The following AFTPH variants were observed in gnomAD, a reference collection of about 807,000 sequenced individuals.
The protein encoded by AFTPH is aftiphilin.
A neutral mutation model predicts 72.5 loss-of-function variants in AFTPH; 7 were observed. That is an observed-to-expected ratio of 0.10 (90% CI 0.05 to 0.18). The LOEUF (loss-of-function observed/expected upper bound fraction) is 0.18. Ranked by LOEUF, AFTPH falls within the 10% of genes least tolerant of loss-of-function variation. The probability of loss-of-function intolerance (pLI) is 1.00; values close to 1 mark genes in which losing one functional copy is unlikely to be tolerated. For synonymous variants in AFTPH, 337 were observed against 370.1 expected (o/e 0.91, Z 1.03); for missense variants, 979 against 1,060.5 (o/e 0.92, Z 1.07).
At chr2:64,549,573 A>C (rs921880688) in intron 1 of AFTPH, among the ~76,000 whole-genome samples, 2 of 151,842 alleles carry the variant, frequency 1.3e-5, no homozygotes. Flanking sequence ...TGCCCACCTC[A>C]GCCTCCCAAA....
At chr2:64,571,393 G>A (rs765403692) in intron 5 of AFTPH, among the ~76,000 whole-genome samples, 5 of 152,108 alleles carry the variant, frequency 3.3e-5, no homozygotes, top group Non-Finnish European at 5.9e-5. Flanking sequence ...TAAAGTGATC[G>A]TTCAAATTAA....
chr2:64,546,799 C>T (rs548866727), intron 1 of AFTPH, among the ~76,000 whole-genome samples: 1 of 151,706 alleles, frequency 6.6e-6, no homozygotes, highest in East Asian at 1.9e-4. Flanking sequence ...CTTTGGGAGG[C>T]CAAGGCGGGC....
At chr2:64,576,768 T>C (rs1034315286) in intron 6 of AFTPH, among the ~76,000 whole-genome samples, 1 of 151,400 alleles carries the variant, frequency 6.6e-6, no homozygotes, top group Non-Finnish European at 1.5e-5. Flanking sequence ...TTTTTTTTTG[T>C]TGTTTTTGAA....
rs1173623829 is a variant in AFTPH, at chr2:64,524,495, A to G, written c.-150A>G. On this transcript the variant is annotated 5_prime_UTR_variant, in exon 1 of 9. Coordinates refer to ENST00000238856, the Ensembl canonical transcript of AFTPH. Reference sequence around the variant, plus strand: ...GTGCTGCTGCGCTGACAGGGCTGTGAGCAGCCGGCCTTCCGCTCTCACCAG... The same window carrying G: ...GTGCTGCTGCGCTGACAGGGCTGTGGGCAGCCGGCCTTCCGCTCTCACCAG... 1.0e-5 allele frequency: 4 copies of G among 400,132 alleles called. No homozygotes were observed. The East Asian group carries it at 1.4e-4, about 14-fold the overall frequency. The allele number at this position is 400,132 out of a possible 1,614,324, so 24.8% of individuals were successfully genotyped here.
chr2:64,525,971 T>A (rs1405323089), intron 1 of AFTPH, among the ~76,000 whole-genome samples: 1 of 152,224 alleles, frequency 6.6e-6, no homozygotes, highest in African/African-American at 2.4e-5. Flanking sequence ...CCTCCGTGGA[T>A]TAAATTAGAT....
At chr2:64,587,556 CTTCTTGGCTA>C (rs1673588282) in intron 8 of AFTPH, among the ~76,000 whole-genome samples, 1 of 152,194 alleles carries the variant, frequency 6.6e-6, no homozygotes, top group Non-Finnish European at 1.5e-5. Flanking sequence ...TCAGCAAAAT[CTTCTTGGCTA>C]TTGCCAATAA....
At chr2:64,588,420 G>T (rs1043213230) in intron 8 of AFTPH, among the ~76,000 whole-genome samples, 1 of 152,178 alleles carries the variant, frequency 6.6e-6, no homozygotes, top group African/African-American at 2.4e-5. Context: ...ATACGTTTTT[G>T]TGTGGACAGA....
At chr2:64,585,451 A>G (rs774984252) in exon 8 of AFTPH, 6 of 1,613,758 alleles carry the variant, frequency 3.7e-6, no homozygotes, top group Non-Finnish European at 4.2e-6. Flanking sequence ...TGAGTTAACA[A>G]CTTCTAAGCT....
At chr2:64,588,096 A>G (rs1356795879) in intron 8 of AFTPH, among the ~76,000 whole-genome samples, 2 of 152,182 alleles carry the variant, frequency 1.3e-5, no homozygotes. Flanking sequence ...TGTACCCATT[A>G]GCAGTCACTC....
chr2:64,560,233 G>A (rs1212658672), intron 2 of AFTPH, among the ~76,000 whole-genome samples: 2 of 152,008 alleles, frequency 1.3e-5, no homozygotes, highest in Non-Finnish European at 2.9e-5. Context: ...TATACCCTGG[G>A]ACTTTCTTCC....
chr2:64,583,773 G>A (rs1673345363), intron 7 of AFTPH, among the ~76,000 whole-genome samples: 1 of 152,044 alleles, frequency 6.6e-6, no homozygotes, highest in Non-Finnish European at 1.5e-5. Flanking sequence ...ATGAAATACT[G>A]AGAACTTGGG....
At chr2:64,579,425 G>A in intron 6 of AFTPH, 61 bp from the exon 7 acceptor site, 2 of 1,343,464 alleles carry the variant, frequency 1.5e-6, no homozygotes, top group South Asian at 2.7e-5. Context: ...TTTTTTTAAG[G>A]ATTCTTTACG....
At chr2:64,578,943 G>T (rs1672997021) in intron 6 of AFTPH, 1 of 152,358 alleles carries the variant, frequency 6.6e-6, no homozygotes, top group African/African-American at 2.4e-5. Flanking sequence ...GAGGAGATTA[G>T]CATTGCCCCA....
intron 8 of AFTPH, among the ~76,000 whole-genome samples, chr2:64,589,097 T>C (rs1328341083): frequency 6.6e-6 from 1 of 152,242 alleles, no homozygotes; most frequent in Non-Finnish European, 1.5e-5. Flanking sequence ...GATTTAGGTA[T>C]CATATCTAAG....
chr2:64,567,888 GA>G (rs1165376040), intron 3 of AFTPH, among the ~76,000 whole-genome samples, 175 bp downstream of exon 3: 6 of 131,334 alleles, frequency 4.6e-5, no homozygotes, highest in Admixed American at 4.4e-4. Context: ...TAAAAATACA[GA>G]AAATTAGCAG....
intron 1 of AFTPH, among the ~76,000 whole-genome samples, chr2:64,528,473 A>C (rs893753581): frequency 2.8e-4 from 43 of 152,220 alleles, no homozygotes; most frequent in African/African-American, 9.4e-4. Flanking sequence ...ATAGCAATAA[A>C]ATAAGCAATA....
At chr2:64,578,335 A>G (rs1031930317) in intron 6 of AFTPH, among the ~76,000 whole-genome samples, 1 of 152,244 alleles carries the variant, frequency 6.6e-6, no homozygotes, top group Non-Finnish European at 1.5e-5. Context: ...AAAAAAGACG[A>G]TAACATTTTG....
At chr2:64,570,567 G>A (rs145489441) in intron 5 of AFTPH, among the ~76,000 whole-genome samples, 12 of 152,226 alleles carry the variant, frequency 7.9e-5, no homozygotes, top group East Asian at 3.9e-4. Flanking sequence ...AATGGTTATC[G>A]TGTACTTTAA....
chr2:64,539,958 T>C (rs1175473631), intron 1 of AFTPH, among the ~76,000 whole-genome samples: 1 of 151,798 alleles, frequency 6.6e-6, no homozygotes, highest in Non-Finnish European at 1.5e-5. Context: ...TTCTGATTTG[T>C]TTTGAGTATG....
Sources: gnomAD v4.1 joint callset for allele counts (sites outside exome capture counted in the v4.1 genomes callset) on GRCh38, gnomAD v4.1.1 for gene constraint, MANE v1.5 for transcripts, NCBI Gene and HGNC (gene_info 2026-07-23, HGNC 2026-07-21) for gene names.